The following DENND2C variants were observed in gnomAD, a reference collection of about 807,000 sequenced individuals.
DENND2C encodes DENN domain containing 2C, also known as DENN domain-containing protein 2C.
A neutral mutation model predicts 112.4 loss-of-function variants in DENND2C; 72 were observed. That is an observed-to-expected ratio of 0.64 (90% confidence interval 0.53 to 0.78). The LOEUF (loss-of-function observed/expected upper bound fraction) is 0.78. Among genes scored for constraint, DENND2C ranks in the 30% least tolerant of loss-of-function variants. The pLI, the probability that DENND2C is intolerant of heterozygous loss-of-function variation, is 0.00. For missense variants in DENND2C, 992 were observed against 1,113.8 expected, an observed-to-expected ratio of 0.89 and a Z score of 1.56; for synonymous variants, 329 against 381.6, an observed-to-expected ratio of 0.86 and a Z score of 1.61.
chr1:114,630,549 T>A (rs1352944981), intron 3 of DENND2C, among the ~76,000 whole-genome samples: 1 of 151,956 alleles, frequency 6.6e-6, no homozygotes, highest in Non-Finnish European at 1.5e-5. Flanking sequence ...CCCTGGAAAC[T>A]CCAGAAAGTA....
intron 2 of DENND2C, among the ~76,000 whole-genome samples, chr1:114,647,636 G>C (rs1421168744): frequency 6.6e-6 from 1 of 152,124 alleles, no homozygotes; most frequent in Non-Finnish European, 1.5e-5. Context: ...GGCCAGGCTG[G>C]TCTGTGACCC....
chr1:114,664,887 G>A (rs1337721521), intron 1 of DENND2C, among the ~76,000 whole-genome samples: 1 of 151,422 alleles, frequency 6.6e-6, no homozygotes, highest in East Asian at 2.0e-4. Flanking sequence ...GAGGTCAGGA[G>A]TTCGAGACCA....
intron 3 of DENND2C, among the ~76,000 whole-genome samples, chr1:114,639,598 A>G (rs1656762460): frequency 6.8e-6 from 1 of 148,018 alleles, no homozygotes; most frequent in South Asian, 2.2e-4. Flanking sequence ...AAAAAAAAAA[A>G]GAATTTTTAT....
At chr1:114,609,085 C>G (rs973609131) in intron 9 of DENND2C, among the ~76,000 whole-genome samples, 1 of 152,204 alleles carries the variant, frequency 6.6e-6, no homozygotes, top group Non-Finnish European at 1.5e-5. Context: ...AGGGGCCTCA[C>G]TCCACTTCTG....
intron 20 of DENND2C, 32 bp downstream of exon 20, chr1:114,587,355 C>A: frequency 6.2e-7 from 1 of 1,612,984 alleles, no homozygotes; most frequent in Non-Finnish European, 8.5e-7. Flanking sequence ...TCTTCAGCCA[C>A]ATTTATCTAA....
At chr1:114,632,277 T>A (rs1356299217) in intron 3 of DENND2C, among the ~76,000 whole-genome samples, 1 of 152,000 alleles carries the variant, frequency 6.6e-6, no homozygotes, top group Non-Finnish European at 1.5e-5. Flanking sequence ...CTAAATTTGA[T>A]GAAAACTCTA....
intron 20 of DENND2C, chr1:114,587,125 C>T (rs1655060147): frequency 2.5e-6 from 1 of 405,734 alleles, no homozygotes; most frequent in Admixed American, 3.6e-5. Context: ...TAGTCTCGAA[C>T]TCCTAACCTC....
intron 1 of DENND2C, among the ~76,000 whole-genome samples, chr1:114,662,637 A>G (rs968702809): frequency 7.0e-6 from 1 of 143,294 alleles, no homozygotes; most frequent in East Asian, 1.9e-4. Flanking sequence ...TCTAAGATTC[A>G]TAAGAAAAAA....
At chr1:114,637,561 G>C (rs755219879) in intron 3 of DENND2C, among the ~76,000 whole-genome samples, 1 of 151,670 alleles carries the variant, frequency 6.6e-6, no homozygotes, top group Non-Finnish European at 1.5e-5. Context: ...CTGTCGCCCA[G>C]GTTGGAGTGC....
chr1:114,603,704 G>A (rs1020107530), intron 11 of DENND2C, among the ~76,000 whole-genome samples: 1 of 151,766 alleles, frequency 6.6e-6, no homozygotes, highest in Non-Finnish European at 1.5e-5. Context: ...TGTCTGGCTA[G>A]TTCTTTTGGT....
intron 1 of DENND2C, among the ~76,000 whole-genome samples, chr1:114,665,302 A>T (rs1318646740): frequency 1.3e-5 from 2 of 151,378 alleles, no homozygotes; most frequent in African/African-American, 4.9e-5. Context: ...AATAAGTTAT[A>T]TGTGCCATGC....
At chr1:114,624,177 C>G (rs1656266137) in intron 4 of DENND2C, among the ~76,000 whole-genome samples, 1 of 152,242 alleles carries the variant, frequency 6.6e-6, no homozygotes, top group Non-Finnish European at 1.5e-5. Context: ...CAATCACATT[C>G]ATGTTCTTCA....
chr1:114,599,627 A>C (rs1359668467), intron 15 of DENND2C, among the ~76,000 whole-genome samples, 176 bp from the exon 16 acceptor site: 2 of 152,210 alleles, frequency 1.3e-5, no homozygotes, highest in African/African-American at 4.8e-5. Flanking sequence ...CTTTACTGAA[A>C]ATGTTCAATC....
chr1:114,664,453 A>T (rs1657593295), intron 1 of DENND2C, among the ~76,000 whole-genome samples: 1 of 152,070 alleles, frequency 6.6e-6, no homozygotes, highest in Admixed American at 6.5e-5. Context: ...TCTCTACAAA[A>T]GAAAAAAATT....
intron 1 of DENND2C, among the ~76,000 whole-genome samples, chr1:114,657,429 G>A (rs1323245693): frequency 6.6e-6 from 1 of 152,112 alleles, no homozygotes; most frequent in Non-Finnish European, 1.5e-5. Flanking sequence ...GACATTTTAG[G>A]TAAGTCCTCA....
At position 114,654,781 on chromosome 1, in the gene DENND2C, A is replaced by AAG. The variant is rs1657263898; in HGVS notation, c.-573-21_-573-20insCT. On this transcript the variant is annotated intron_variant, in intron 1 of 20. Coordinates refer to ENST00000393274, the MANE Select transcript of DENND2C (RefSeq NM_001256404.2). ...TGCCACCTAAAAAAAAAAAAAAAAAAGACAAAGTAGGCAGTCTAAGATGTC... is the reference window on the plus strand; with the variant it reads ...TGCCACCTAAAAAAAAAAAAAAAAAAAGGACAAAGTAGGCAGTCTAAGATGTC... 1.3e-5 allele frequency: 2 copies of AAG among 151,236 alleles called. No individual in the cohort carries two copies. The highest frequency in any genetic ancestry group is 2.9e-5 in the Non-Finnish European group (2 of 67,812). 9.4% of individuals were successfully genotyped at this position (151,236 alleles called of 1,614,324 possible).
At chr1:114,610,697 C>T (rs530918868) in intron 9 of DENND2C, among the ~76,000 whole-genome samples, 2 of 138,958 alleles carry the variant, frequency 1.4e-5, no homozygotes, top group South Asian at 2.3e-4. Context: ...GAGACTCCGT[C>T]TCAAAAAAAA....
chr1:114,650,446 C>G (rs953391150), intron 2 of DENND2C, among the ~76,000 whole-genome samples: 2 of 151,188 alleles, frequency 1.3e-5, no homozygotes, highest in African/African-American at 2.4e-5. Flanking sequence ...GGATGGATCA[C>G]GAGGTCAGGA....
intron 1 of DENND2C, among the ~76,000 whole-genome samples, chr1:114,668,125 T>C (rs74604887): frequency 0.067 from 10,274 of 152,208 alleles, 416 homozygotes; most frequent in Middle Eastern, 0.099. Context: ...TATTGTGTAG[T>C]AGGCCCTCAA....
Sources: gnomAD v4.1 joint callset for allele counts (sites outside exome capture counted in the v4.1 genomes callset) on GRCh38, gnomAD v4.1.1 for gene constraint, MANE v1.5 for transcripts, NCBI Gene and HGNC (gene_info 2026-07-23, HGNC 2026-07-21) for gene names.